Variants in SRPK1 observed in about 807,000 individuals in gnomAD.
SRPK1 encodes SRSF protein kinase 1.
In SRPK1, 52 loss-of-function variants were observed where a neutral mutation model predicts 89.5. The ratio of observed to expected loss-of-function variants is 0.58; its 90% CI spans 0.46 to 0.73. SRPK1 has a LOEUF of 0.73. SRPK1 is among the 30% of genes least tolerant of loss of function. SRPK1 has a pLI of 0.00. For synonymous variants in SRPK1, 255 were observed against 270.2 expected, an observed-to-expected ratio of 0.94 and a Z score of 0.55; for missense variants, 603 against 780.6, an observed-to-expected ratio of 0.77 and a Z score of 2.71.
chr6:35,865,491 A>G (rs1158807256), intron 12 of SRPK1, among the ~76,000 whole-genome samples: 1 of 152,186 alleles, frequency 6.6e-6, no homozygotes, highest in African/African-American at 2.4e-5. Context: ...AATAGCCAAA[A>G]GAATCCTAAG....
chr6:35,913,442 C>T (rs907988749), intron 2 of SRPK1, among the ~76,000 whole-genome samples: 5 of 151,942 alleles, frequency 3.3e-5, no homozygotes, highest in African/African-American at 4.8e-5. Context: ...TGCAGTGAGC[C>T]GAGATCGCGC....
At chr6:35,918,737 T>C (rs921553563) in intron 2 of SRPK1, among the ~76,000 whole-genome samples, 1 of 152,180 alleles carries the variant, frequency 6.6e-6, no homozygotes, top group African/African-American at 2.4e-5. Flanking sequence ...CTCTAAGTTA[T>C]CCATAGTAGT....
At chr6:35,873,126 G>A (rs376133191) in intron 7 of SRPK1, among the ~76,000 whole-genome samples, 2 of 152,210 alleles carry the variant, frequency 1.3e-5, no homozygotes, top group East Asian at 1.9e-4. Flanking sequence ...GCCCAGTTTG[G>A]AGCTCTTTCC....
intron 13 of SRPK1, among the ~76,000 whole-genome samples, chr6:35,850,685 T>C (rs1769534778): frequency 6.6e-6 from 1 of 152,226 alleles, no homozygotes; most frequent in African/African-American, 2.4e-5. Flanking sequence ...CTACTGCACA[T>C]ATCCCTTTCC....
chr6:35,841,568 T>G (rs865989951), intron 14 of SRPK1, among the ~76,000 whole-genome samples: 2 of 151,954 alleles, frequency 1.3e-5, no homozygotes, highest in Non-Finnish European at 2.9e-5. Context: ...GCGTGATGGC[T>G]CACGCCTGTA....
At chr6:35,842,405 C>G in intron 14 of SRPK1, 130 bp downstream of exon 14, 1 of 547,352 alleles carries the variant, frequency 1.8e-6, no homozygotes, top group East Asian at 3.4e-5. Flanking sequence ...TTTTATATTT[C>G]TAACTTTTCT....
chr6:35,895,275 T>C (rs1315510044), intron 2 of SRPK1, among the ~76,000 whole-genome samples: 1 of 152,148 alleles, frequency 6.6e-6, no homozygotes, highest in Non-Finnish European at 1.5e-5. Context: ...AAATACCTAA[T>C]TATGGCTACA....
At chr6:35,885,312 G>A (rs1025445199) in intron 6 of SRPK1, among the ~76,000 whole-genome samples, 3 of 150,978 alleles carry the variant, frequency 2.0e-5, no homozygotes, top group Non-Finnish European at 4.4e-5. Context: ...GAGAGAGAGA[G>A]AGAGAGAGAG....
At chr6:35,916,002 AC>A (rs1279339793) in intron 2 of SRPK1, among the ~76,000 whole-genome samples, 1 of 36,826 alleles carries the variant, frequency 2.7e-5, no homozygotes, top group South Asian at 6.3e-4. Context: ...ATATATACAC[AC>A]ACACACACAC....
In SRPK1 at chr6:35,920,460, A is replaced by C. The variant is rs201524968; in HGVS notation, c.74+8T>G. The C allele has an allele frequency of 8.7e-5, 140 of 1,612,878 alleles. No individual in the cohort carries two copies. The highest frequency in any genetic ancestry group is 1.2e-4 in the Non-Finnish European group (136 of 1,179,104). ...CCAAAGAATGGGATGTTGGGGTACA[A>C]GACTCACTTCCTTTGGGCTTTGTCC... On this transcript the variant is annotated splice_region_variant and intron_variant, in intron 2 of 15. Coordinates refer to ENST00000373825, the MANE Select transcript of SRPK1 (RefSeq NM_003137.5).
chr6:35,902,686 G>A (rs1217719932), intron 2 of SRPK1, among the ~76,000 whole-genome samples: 4 of 152,184 alleles, frequency 2.6e-5, no homozygotes, highest in African/African-American at 7.2e-5. Flanking sequence ...CCGGGACTGT[G>A]TAATTCAAAA....
chr6:35,909,137 T>C (rs924289286), intron 2 of SRPK1, among the ~76,000 whole-genome samples: 2 of 152,156 alleles, frequency 1.3e-5, no homozygotes, highest in African/African-American at 2.4e-5. Flanking sequence ...GAAGGGTAGA[T>C]CCACCAATAG....
At chr6:35,882,335 G>C (rs899862196) in intron 6 of SRPK1, among the ~76,000 whole-genome samples, 2 of 151,428 alleles carry the variant, frequency 1.3e-5, no homozygotes, top group African/African-American at 2.4e-5. Context: ...CTTTTTGTCA[G>C]AGAATGCATC....
chr6:35,873,443 G>C (rs1770078439), intron 7 of SRPK1, among the ~76,000 whole-genome samples: 1 of 151,916 alleles, frequency 6.6e-6, no homozygotes, highest in East Asian at 1.9e-4. Context: ...AAGAGAATAA[G>C]CACAATAAAT....
chr6:35,910,872 A>C (rs1770944249), intron 2 of SRPK1, among the ~76,000 whole-genome samples: 1 of 152,238 alleles, frequency 6.6e-6, no homozygotes, highest in African/African-American at 2.4e-5. Context: ...AGTTTACTGA[A>C]TATTTTAAGG....
At chr6:35,895,435 TTGTGTGTGTGTGTGTGTGTGTG>T (rs10566123) in intron 2 of SRPK1, among the ~76,000 whole-genome samples, 1 of 147,868 alleles carries the variant, frequency 6.8e-6, no homozygotes, top group Non-Finnish European at 1.5e-5. Flanking sequence ...AGGCATATGC[TTGTGTGTGTGTGTGTGTGTGTG>T]TGTGTGTGTG....
At chr6:35,847,148 G>C (rs2151080637) in intron 13 of SRPK1, among the ~76,000 whole-genome samples, 1 of 152,310 alleles carries the variant, frequency 6.6e-6, no homozygotes, top group African/African-American at 2.4e-5. Context: ...GTCCTTACTA[G>C]AGCAATTAAA....
chr6:35,891,057 AAAT>A, intron 2 of SRPK1, 44 bp from the exon 3 acceptor site: 1 of 1,526,276 alleles, frequency 6.6e-7, no homozygotes, highest in Non-Finnish European at 8.8e-7. Context: ...GGACAGAAGA[AAAT>A]AAGACATTAT....
intron 15 of SRPK1, among the ~76,000 whole-genome samples, chr6:35,837,061 C>A (rs1282003478): frequency 6.6e-6 from 1 of 152,126 alleles, no homozygotes; most frequent in Non-Finnish European, 1.5e-5. Context: ...GTAGAAAAAC[C>A]AGACCATTTC....
Sources: gnomAD v4.1 joint callset for allele counts (sites outside exome capture counted in the v4.1 genomes callset) on GRCh38, gnomAD v4.1.1 for gene constraint, MANE v1.5 for transcripts, NCBI Gene and HGNC (gene_info 2026-07-23, HGNC 2026-07-21) for gene names.